CERS1: variants seen among roughly 807,000 people sequenced by gnomAD.
CERS1 encodes the protein Embryonic growth/differentiation factor 1.
Under a neutral mutation model 35.7 loss-of-function variants are expected in CERS1, and 16 were observed. That is an observed-to-expected ratio of 0.45 (90% confidence interval 0.30 to 0.68). The LOEUF is 0.68. Among genes scored for constraint, CERS1 ranks in the 30% least tolerant of loss-of-function variants. CERS1 has a pLI of 0.08. For synonymous variants in CERS1, 243 were observed against 201.6 expected (o/e 1.21, Z -1.74); for missense variants, 454 against 453.9 (o/e 1.00, Z 0.00).
Position 18,868,598 on chromosome 19 carries a change from T to A in CERS1, c.*1387A>T, listed in dbSNP as rs2055895748. On this transcript the variant is annotated 3_prime_UTR_variant, in exon 8 of 8. Coordinates refer to ENST00000623882, the MANE Select transcript of CERS1 (RefSeq NM_021267.5). ...GCCCGCGTCCCTGCCCGCCCCGGGT[T>A]AGCGGCAGCCGCACTCGTCCACCAC... The A allele has an allele frequency of 6.4e-7, 1 of 1,554,734 alleles. No individual in the cohort carries two copies. The highest frequency in any genetic ancestry group is 1.4e-5 in the African/African-American group (1 of 73,306).
intron 2 of CERS1, among the ~76,000 whole-genome samples, chr19:18,892,998 C>G (rs190958605): frequency 4.0e-5 from 6 of 151,866 alleles, no homozygotes; most frequent in Non-Finnish European, 8.8e-5. Context: ...CTCACTGCAA[C>G]CTCTGCCTCC....
At position 18,869,238 on chromosome 19, in the gene CERS1, C is replaced by A; in HGVS notation, c.*747G>T. ...GCCACGCTCAGCTCCCAGCCGCCCT[C>A]CGGGGCTGCCGCCGCCGCCGCCGCG... On this transcript the variant is annotated 3_prime_UTR_variant, in exon 8 of 8. Coordinates refer to ENST00000623882, the MANE Select transcript of CERS1 (RefSeq NM_021267.5). The A allele has an allele frequency of 7.1e-7, 1 of 1,417,616 alleles. No homozygotes were observed. The highest frequency in any genetic ancestry group is 9.1e-7 in the Non-Finnish European group (1 of 1,096,962). 87.8% of individuals were successfully genotyped at this position (1,417,616 alleles called of 1,614,324 possible).
At chr19:18,871,925 C>G (rs1052572290) in intron 6 of CERS1, among the ~76,000 whole-genome samples, 1 of 152,194 alleles carries the variant, frequency 6.6e-6, no homozygotes, top group African/African-American at 2.4e-5. Context: ...TGGGATGACT[C>G]CAGGGATTCC....
At chr19:18,877,978 T>C in intron 6 of CERS1, 1 of 985,450 alleles carries the variant, frequency 1.0e-6, no homozygotes, top group Non-Finnish European at 1.2e-6. Context: ...GGGTTCTCCC[T>C]TCCAAACAGG....
In CERS1 at chr19:18,895,891, A is replaced by T; in HGVS notation, c.182T>A (p.Leu61Gln). ...EHAHLAPPEL[L>Q]LLALGALGWT... ...GCCCAGCGCGCCGAGCGCCAGCAGC[A>T]GCAGCTCGGGCGGCGCCAGGTGCGC... Residue 61 changes from leucine (L) to glutamine (Q), a missense_variant, in exon 1 of 8, where the codon CTG becomes CAG. Leu to Gln is a moderately radical substitution (Grantham distance 113). Coordinates refer to ENST00000623882, the MANE Select transcript of CERS1 (RefSeq NM_021267.5). The surrounding 1 kb of genome is among the most constrained non-coding windows in gnomAD (Gnocchi z 6.4). 4 of 1,271,124 alleles carry T rather than the reference A, an allele frequency of 3.1e-6. No homozygotes were observed. The highest frequency in any genetic ancestry group is 4.0e-6 in the Non-Finnish European group (4 of 1,009,176). 78.7% of individuals were successfully genotyped at this position (1,271,124 alleles called of 1,614,324 possible).
chr19:18,869,668 T>C (rs2055928053), intron 7 of CERS1, among the ~76,000 whole-genome samples: 1 of 108,238 alleles, frequency 9.2e-6, no homozygotes, highest in Admixed American at 1.4e-4. Flanking sequence ...CCTGGGCCCC[T>C]GGGGAAGCCA....
chr19:18,880,082 C>T (rs1216867751), intron 4 of CERS1, among the ~76,000 whole-genome samples, 192 bp downstream of exon 4: 1 of 151,670 alleles, frequency 6.6e-6, no homozygotes, highest in African/African-American at 2.4e-5. Context: ...TGGCCCCACC[C>T]TTGTCCTACT....
intron 5 of CERS1, 61 bp from the exon 6 acceptor site, chr19:18,879,100 C>T: frequency 6.3e-7 from 1 of 1,595,710 alleles, no homozygotes; most frequent in Non-Finnish European, 8.5e-7. Context: ...GCCCTGCTGA[C>T]AGCCATGTGC....
chr19:18,872,065 T>C (rs1270415382), intron 6 of CERS1, among the ~76,000 whole-genome samples: 1 of 152,242 alleles, frequency 6.6e-6, no homozygotes, highest in African/African-American at 2.4e-5. Flanking sequence ...GGATGGTCTT[T>C]AGTATTTGCT....
Position 18,878,872 on chromosome 19 carries a change from C to T in CERS1, c.1010+58G>A, listed in dbSNP as rs1405161546. On this transcript the variant is annotated intron_variant, in intron 6 of 7. Transcript: ENST00000623882. This position sits in a 1 kb window ranked among gnomAD's most constrained non-coding sequence, Gnocchi z 4.6. ...GGTCTTGGGGGCCTGCCCACGAACACGCTTGGACGGGTGACACTAAAGGAG... is the reference window on the plus strand; with the variant it reads ...GGTCTTGGGGGCCTGCCCACGAACATGCTTGGACGGGTGACACTAAAGGAG... 2.3e-5 allele frequency: 36 copies of T among 1,590,682 alleles called. No homozygotes were observed. The highest frequency in any genetic ancestry group is 7.0e-5 in the Admixed American group (4 of 56,954).
At chr19:18,879,845 G>A (rs1330318399) in intron 4 of CERS1, among the ~76,000 whole-genome samples, 9 of 100,062 alleles carry the variant, frequency 9.0e-5, no homozygotes, top group Non-Finnish European at 1.2e-4. Flanking sequence ...CCTGCACAGC[G>A]CCTCCCTTTC....
intron 3 of CERS1, chr19:18,883,419 A>C (rs2056263565): frequency 1.3e-5 from 2 of 152,166 alleles, no homozygotes; most frequent in Admixed American, 6.6e-5. Context: ...TGTAATCCCC[A>C]CACTTCGGGG....
chr19:18,888,886 TTTC>T (rs1486390764), intron 2 of CERS1, among the ~76,000 whole-genome samples: 1 of 147,138 alleles, frequency 6.8e-6, no homozygotes, highest in African/African-American at 2.5e-5. Context: ...AATTTCTTTC[TTTC>T]TTTTTTTTTT....
intron 4 of CERS1, among the ~76,000 whole-genome samples, chr19:18,879,673 T>C (rs1406118872): frequency 2.5e-4 from 9 of 36,700 alleles, no homozygotes; most frequent in Non-Finnish European, 3.6e-4. Flanking sequence ...CCTTCTCTGC[T>C]AGGCCCCACC....
intron 3 of CERS1, chr19:18,881,655 C>A (rs1375798579): frequency 1.3e-5 from 2 of 152,298 alleles, no homozygotes; most frequent in Non-Finnish European, 2.9e-5. Context: ...CTGTTCCTTG[C>A]TCTGTCTCCT....
At position 18,878,251 on chromosome 19, in the gene CERS1, C is replaced by T; in HGVS notation, c.1010+679G>A. On this transcript the variant is annotated intron_variant, in intron 6 of 7. Transcript: ENST00000623882. The surrounding 1 kb of genome is among the most constrained non-coding windows in gnomAD (Gnocchi z 4.6). ...CCTATGAGACACTGCACACCCGACT[C>T]TGCTTGTTACCCAGTTTGGCCTCCG... 1 of 985,892 alleles carries T rather than the reference C, an allele frequency of 1.0e-6. No homozygotes were observed. Among genetic ancestry groups the T allele is most frequent in the Non-Finnish European group, 1.2e-6 (1 of 830,292 alleles). The allele number at this position is 985,892 out of a possible 1,614,324, so 61.1% of individuals were successfully genotyped here. A position where few individuals can be genotyped will look rare whatever the true frequency, so the allele number is the denominator to read the frequency against.
At chr19:18,892,300 C>A (rs2056509904) in intron 2 of CERS1, among the ~76,000 whole-genome samples, 1 of 152,076 alleles carries the variant, frequency 6.6e-6, no homozygotes, top group African/African-American at 2.4e-5. Flanking sequence ...AAACCCAATC[C>A]TCTCCATGCT....
At chr19:18,876,156 T>G (rs932109595) in intron 6 of CERS1, among the ~76,000 whole-genome samples, 3 of 151,970 alleles carry the variant, frequency 2.0e-5, no homozygotes, top group African/African-American at 7.3e-5. Context: ...GGATAATTTT[T>G]CGTATTTTTA....
intron 2 of CERS1, among the ~76,000 whole-genome samples, chr19:18,884,863 G>A (rs1051148057): frequency 6.6e-6 from 1 of 151,074 alleles, no homozygotes; most frequent in Admixed American, 6.6e-5. Context: ...ACAGGCGCTG[G>A]ACACCATGCC....
Sources: gnomAD v4.1 joint callset for allele counts (sites outside exome capture counted in the v4.1 genomes callset) on GRCh38, gnomAD v4.1.1 for gene constraint, Gnocchi (gnomAD v3.1) non-coding constraint, MANE v1.5 for transcripts, NCBI Gene and HGNC (gene_info 2026-07-23, HGNC 2026-07-21) for gene names.